The following GLI3 variants were observed in gnomAD, a reference collection of about 807,000 sequenced individuals.
GLI3 encodes GLI family zinc finger 3, also known as transcription activator GLI3.
GLI3 carries 20 observed loss-of-function variants against 100.8 expected under a neutral mutation model. The observed-to-expected ratio is 0.20, with a 90% CI of 0.14 to 0.29. The LOEUF (loss-of-function observed/expected upper bound fraction) is 0.29, where lower values mean the gene tolerates loss of function less well. GLI3 is among the 10% of genes least tolerant of loss of function. The pLI, the probability that GLI3 is intolerant of heterozygous loss-of-function variation, is 1.00. For missense variants in GLI3, 2,040 were observed against 2,128.5 expected (o/e 0.96, Z 0.82); for synonymous variants, 938 against 860.5 (o/e 1.09, Z -1.58).
intron 2 of GLI3, among the ~76,000 whole-genome samples, chr7:42,149,303 CA>C (rs1786799630): frequency 2.0e-5 from 3 of 152,188 alleles, no homozygotes; most frequent in Non-Finnish European, 4.4e-5. Context: ...ATGTAAGAAA[CA>C]GCTTGAAGAA....
At chr7:42,100,749 G>T (rs552531109) in intron 3 of GLI3, among the ~76,000 whole-genome samples, 109 of 152,060 alleles carry the variant, frequency 7.2e-4, no homozygotes, top group African/African-American at 2.5e-3. Flanking sequence ...CCAAGAAAAA[G>T]AAGAGGGGGT....
chr7:42,006,442 G>A (rs774640756), intron 10 of GLI3, among the ~76,000 whole-genome samples: 2 of 152,194 alleles, frequency 1.3e-5, no homozygotes, highest in Non-Finnish European at 2.9e-5. Flanking sequence ...AATTCTCTAT[G>A]AAACCTGCCC....
At chr7:42,207,710 T>C (rs571700023) in intron 2 of GLI3, among the ~76,000 whole-genome samples, 125 of 152,256 alleles carry the variant, frequency 8.2e-4, no homozygotes, top group Non-Finnish European at 1.6e-3. Flanking sequence ...ACACAGAAAA[T>C]GATCCTAGCA....
At chr7:42,002,329 G>A (rs1419457854) in intron 10 of GLI3, among the ~76,000 whole-genome samples, 1 of 152,038 alleles carries the variant, frequency 6.6e-6, no homozygotes, top group Admixed American at 6.6e-5. Flanking sequence ...TTTAAATAGC[G>A]ACAACAGCTG....
chr7:42,108,276 AC>A (rs1453737660), intron 3 of GLI3, among the ~76,000 whole-genome samples: 2 of 152,230 alleles, frequency 1.3e-5, no homozygotes, highest in South Asian at 2.1e-4. Context: ...CACGGAATTC[AC>A]AGATGTGTCT....
At chr7:42,204,593 A>G (rs1339507238) in intron 2 of GLI3, among the ~76,000 whole-genome samples, 1 of 152,224 alleles carries the variant, frequency 6.6e-6, no homozygotes, top group Non-Finnish European at 1.5e-5. Flanking sequence ...CACAGCCTCA[A>G]TAAGTGTTTG....
At chr7:42,108,476 G>C (rs557075547) in intron 3 of GLI3, among the ~76,000 whole-genome samples, 1 of 152,120 alleles carries the variant, frequency 6.6e-6, no homozygotes, top group Non-Finnish European at 1.5e-5. Flanking sequence ...CCGCAAACTG[G>C]AAAGATAGAC....
At chr7:42,024,910 A>G (rs1282904101) in intron 9 of GLI3, among the ~76,000 whole-genome samples, 1 of 152,200 alleles carries the variant, frequency 6.6e-6, no homozygotes, top group East Asian at 1.9e-4. Context: ...TTCAGGCCCA[A>G]AATCACAGAT....
intron 1 of GLI3, among the ~76,000 whole-genome samples, chr7:42,261,417 A>G (rs1057042283): frequency 1.2e-4 from 17 of 145,536 alleles, no homozygotes; most frequent in African/African-American, 4.0e-4. Context: ...GGCAGGCTCA[A>G]ATATCCAAAC....
In GLI3 at chr7:41,966,341, T is replaced by C; in HGVS notation, c.2732A>G (p.Gln911Arg). 6.2e-7 allele frequency: 1 copy of C among 1,608,014 alleles called. No individual in the cohort carries two copies. The highest frequency in any genetic ancestry group is 1.1e-5 in the South Asian group (1 of 90,992). The change falls in exon 15 of 15, where the codon CAG becomes CGG. Residue 911 changes from glutamine (Q) to arginine (R), a missense_variant. Physicochemically the swap from Gln to Arg is conservative, Grantham distance 43. Transcript: ENST00000395925. This position sits in a 1 kb window ranked among gnomAD's most constrained non-coding sequence, Gnocchi z 5.8. ...GAGCAGGCTGGGCAGGCCGTCGCTC[T>C]GGCTGGCTTCGCTGGAGCGGCGCGA... ...DASRRSSEAS[Q>R]SDGLPSLLSL...
intron 4 of GLI3, among the ~76,000 whole-genome samples, chr7:42,054,920 G>C (rs1041646076): frequency 6.6e-6 from 1 of 151,740 alleles, no homozygotes; most frequent in Non-Finnish European, 1.5e-5. Context: ...ACTTGAGCCT[G>C]GGAGGTTGAG....
intron 10 of GLI3, among the ~76,000 whole-genome samples, chr7:41,980,149 A>C (rs1045947647): frequency 6.6e-6 from 1 of 152,192 alleles, no homozygotes. Flanking sequence ...TGCAGCACAC[A>C]AGAAGAGAGC....
At chr7:42,106,307 G>A (rs1785573450) in intron 3 of GLI3, among the ~76,000 whole-genome samples, 1 of 152,226 alleles carries the variant, frequency 6.6e-6, no homozygotes, top group African/African-American at 2.4e-5. Flanking sequence ...CTGGCCCTCA[G>A]AACTGTGCTG....
intron 2 of GLI3, among the ~76,000 whole-genome samples, chr7:42,190,387 A>G (rs1407860643): frequency 6.6e-6 from 1 of 152,198 alleles, no homozygotes; most frequent in Non-Finnish European, 1.5e-5. Flanking sequence ...GTGTAAACAT[A>G]GACAGGAAAG....
rs780973618 is a variant in GLI3, at chr7:41,978,588, T to G, written c.1647+11A>C. The G allele has an allele frequency of 6.8e-6, 11 of 1,614,000 alleles. No individual in the cohort carries two copies. The highest frequency in any genetic ancestry group is 6.7e-5 in the East Asian group (3 of 44,872). On this transcript the variant is annotated intron_variant, in intron 11 of 14. Coordinates refer to ENST00000395925, the MANE Select transcript of GLI3 (RefSeq NM_000168.6). Reference sequence around the variant, plus strand: ...GACCCAAGTGTGCCTGCCACCCACTTCTGTACTCACAGTGCATTTGTGAGG... The same window carrying G: ...GACCCAAGTGTGCCTGCCACCCACTGCTGTACTCACAGTGCATTTGTGAGG...
intron 6 of GLI3, among the ~76,000 whole-genome samples, chr7:42,042,451 C>G (rs1264885353): frequency 2.0e-5 from 3 of 152,212 alleles, no homozygotes; most frequent in Non-Finnish European, 2.9e-5. Context: ...AAATACATGT[C>G]ACTTCCAAGT....
intron 2 of GLI3, among the ~76,000 whole-genome samples, chr7:42,181,577 C>G (rs1787595091): frequency 6.6e-6 from 1 of 152,120 alleles, no homozygotes; most frequent in Admixed American, 6.5e-5. Flanking sequence ...TGCATTCTAG[C>G]CTGGGTGCCA....
intron 2 of GLI3, chr7:42,172,737 G>A: frequency 3.0e-6 from 2 of 665,852 alleles, no homozygotes; most frequent in Admixed American, 4.4e-5. Flanking sequence ...TTTTCCGTGA[G>A]TAAAGTTAAC....
At chr7:42,091,093 G>A (rs928016063) in intron 3 of GLI3, among the ~76,000 whole-genome samples, 3 of 152,194 alleles carry the variant, frequency 2.0e-5, no homozygotes, top group South Asian at 2.1e-4. Flanking sequence ...AATGTTACGC[G>A]CAGTAGCCGT....
Sources: allele counts gnomAD v4.1 joint callset (sites outside exome capture counted in the v4.1 genomes callset), GRCh38; gene constraint gnomAD v4.1.1; non-coding constraint Gnocchi (gnomAD v3.1); transcripts MANE v1.5; gene names NCBI Gene and HGNC (gene_info 2026-07-23, HGNC 2026-07-21).